ASTN2: variants seen among roughly 807,000 people sequenced by gnomAD.
ASTN2 encodes astrotactin 2.
A neutral mutation model predicts 139.8 loss-of-function variants in ASTN2; 54 were observed. The ratio of observed to expected loss-of-function variants is 0.39; its 90% CI spans 0.31 to 0.48. The LOEUF (loss-of-function observed/expected upper bound fraction) is 0.48, where lower values mean the gene tolerates loss of function less well. ASTN2 is among the 20% of genes least tolerant of loss of function. The pLI, the probability that ASTN2 is intolerant of heterozygous loss-of-function variation, is 0.95. For synonymous variants in ASTN2, 756 were observed against 719.5 expected (o/e 1.05, Z -0.81); for missense variants, 1,565 against 1,725.1 (o/e 0.91, Z 1.64).
chr9:116,737,079 G>A (rs926900117), intron 13 of ASTN2, among the ~76,000 whole-genome samples: 2 of 152,202 alleles, frequency 1.3e-5, no homozygotes, highest in Non-Finnish European at 2.9e-5. Flanking sequence ...AAGGGTGACA[G>A]TTAGCCAGCC....
At chr9:116,931,929 T>G (rs1834908984) in intron 10 of ASTN2, among the ~76,000 whole-genome samples, 1 of 151,964 alleles carries the variant, frequency 6.6e-6, no homozygotes, top group Non-Finnish European at 1.5e-5. Context: ...GCAGTGGCAA[T>G]AGCAATCACA....
At chr9:116,862,807 TACACACACAC>T (rs751612533) in intron 11 of ASTN2, among the ~76,000 whole-genome samples, 1,820 of 90,908 alleles carry the variant, frequency 0.02, 14 homozygotes, top group Admixed American at 0.026. Flanking sequence ...CACACACAAA[TACACACACAC>T]ACACACACAC....
chr9:117,149,886 T>C (rs937269381), intron 3 of ASTN2, among the ~76,000 whole-genome samples: 3 of 152,236 alleles, frequency 2.0e-5, no homozygotes, highest in Non-Finnish European at 4.4e-5. Flanking sequence ...TTTTTCCTCC[T>C]GCACATTTTC....
intron 16 of ASTN2, among the ~76,000 whole-genome samples, chr9:116,670,590 T>C (rs1290869887): frequency 6.6e-6 from 1 of 152,224 alleles, no homozygotes; most frequent in East Asian, 1.9e-4. Context: ...TGTCTCTTTG[T>C]CTGTGGCCAG....
intron 4 of ASTN2, among the ~76,000 whole-genome samples, chr9:117,125,931 A>G (rs1270642279): frequency 6.6e-6 from 1 of 152,134 alleles, no homozygotes; most frequent in Non-Finnish European, 1.5e-5. Flanking sequence ...ATTTAACCTT[A>G]ATGTTTAGCT....
chr9:116,578,798 T>G (rs2131706686), intron 19 of ASTN2: 1 of 152,126 alleles, frequency 6.6e-6, no homozygotes, highest in Admixed American at 6.5e-5. Context: ...TGAGGAAACC[T>G]AATATGTAAT....
At chr9:116,504,150 A>C (rs776457812) in intron 19 of ASTN2, 7 of 152,192 alleles carry the variant, frequency 4.6e-5, no homozygotes, top group Non-Finnish European at 8.8e-5. Flanking sequence ...GAAAAATAAA[A>C]ATCATCTCTT....
intron 2 of ASTN2, among the ~76,000 whole-genome samples, chr9:117,289,737 C>T (rs780522116): frequency 1.2e-4 from 19 of 152,096 alleles, no homozygotes; most frequent in Non-Finnish European, 2.6e-4. Context: ...AATTTGCACC[C>T]CAAACTTAGC....
intron 1 of ASTN2, among the ~76,000 whole-genome samples, chr9:117,298,702 A>ATG (rs60775898): frequency 0.074 from 10,083 of 136,000 alleles, 663 homozygotes; most frequent in African/African-American, 0.18. Flanking sequence ...GTGCATATGT[A>ATG]TGTGTGTGTG....
At chr9:117,312,111 G>C (rs371411601) in intron 1 of ASTN2, among the ~76,000 whole-genome samples, 3 of 152,234 alleles carry the variant, frequency 2.0e-5, no homozygotes, top group South Asian at 4.1e-4. Context: ...TAAAGCACTA[G>C]ACACATATCA....
chr9:117,098,960 TA>T (rs1285721675), intron 4 of ASTN2, among the ~76,000 whole-genome samples: 10 of 151,740 alleles, frequency 6.6e-5, no homozygotes, highest in African/African-American at 2.4e-4. Context: ...TACAAAAAAT[TA>T]GCCGGGTGTG....
chr9:116,563,706 C>T (rs775295963), intron 19 of ASTN2, among the ~76,000 whole-genome samples: 21 of 152,254 alleles, frequency 1.4e-4, no homozygotes, highest in Non-Finnish European at 1.8e-4. Context: ...CAATTATCAA[C>T]ATCTGATAAA....
intron 3 of ASTN2, among the ~76,000 whole-genome samples, chr9:117,166,333 C>T (rs780152156): frequency 6.6e-5 from 10 of 152,090 alleles, no homozygotes; most frequent in Non-Finnish European, 1.5e-4. Context: ...TCTTCAGTCT[C>T]ATCCTTTCTA....
intron 4 of ASTN2, among the ~76,000 whole-genome samples, chr9:117,100,907 A>C (rs1828961048): frequency 6.6e-6 from 1 of 152,202 alleles, no homozygotes; most frequent in Non-Finnish European, 1.5e-5. Context: ...AAATTAAGTT[A>C]TTGGAGTCAG....
At chr9:117,156,268 A>G (rs1830431401) in intron 3 of ASTN2, among the ~76,000 whole-genome samples, 1 of 152,010 alleles carries the variant, frequency 6.6e-6, no homozygotes, top group South Asian at 2.1e-4. Flanking sequence ...AAGGGTTTTG[A>G]AGTTATAATT....
At chr9:117,177,191 A>G (rs1169173548) in intron 3 of ASTN2, among the ~76,000 whole-genome samples, 2 of 152,230 alleles carry the variant, frequency 1.3e-5, no homozygotes, top group East Asian at 1.9e-4. Context: ...GTGAACTACA[A>G]TGAGGTCTAA....
chr9:117,395,056 AC>A (rs1434053748), intron 1 of ASTN2, among the ~76,000 whole-genome samples: 1 of 152,096 alleles, frequency 6.6e-6, no homozygotes, highest in Non-Finnish European at 1.5e-5. Flanking sequence ...GCTGTATGGG[AC>A]CCTTATTTCT....
At chr9:116,708,724 C>T (rs184770067) in intron 16 of ASTN2, among the ~76,000 whole-genome samples, 1 of 152,236 alleles carries the variant, frequency 6.6e-6, no homozygotes, top group Non-Finnish European at 1.5e-5. Context: ...ATCCCTGACA[C>T]TTGCCAGAAA....
chr9:117,390,911 C>A (rs989501563), intron 1 of ASTN2, among the ~76,000 whole-genome samples: 14 of 152,114 alleles, frequency 9.2e-5, no homozygotes, highest in African/African-American at 2.9e-4. Flanking sequence ...CAAGAAACTG[C>A]CAAACTGTTT....
Sources: allele counts gnomAD v4.1 joint callset (sites outside exome capture counted in the v4.1 genomes callset), GRCh38; gene constraint gnomAD v4.1.1; transcripts MANE v1.5; gene names NCBI Gene and HGNC (gene_info 2026-07-23, HGNC 2026-07-21).